CNTNAP2: variants seen among roughly 807,000 people sequenced by gnomAD.
The protein encoded by CNTNAP2 is contactin-associated protein-like 2.
CNTNAP2 carries 98 observed loss-of-function variants against 155.2 expected under a neutral mutation model. That is an observed-to-expected ratio of 0.63 (90% CI 0.54 to 0.75). The LOEUF (loss-of-function observed/expected upper bound fraction) is 0.75. Ranked by LOEUF, CNTNAP2 falls within the 30% of genes least tolerant of loss-of-function variation. CNTNAP2 has a pLI of 0.00. For missense variants in CNTNAP2, 1,727 were observed against 1,688.1 expected (o/e 1.02, Z -0.40); for synonymous variants, 651 against 631.2 (o/e 1.03, Z -0.47).
chr7:146,902,730 G>A (rs1796028028), intron 3 of CNTNAP2, among the ~76,000 whole-genome samples: 1 of 152,156 alleles, frequency 6.6e-6, no homozygotes, highest in Admixed American at 6.5e-5. Context: ...TCTTGTAAAT[G>A]TTCCGTCTCA....
At chr7:148,018,013 G>A (rs933168053) in intron 15 of CNTNAP2, among the ~76,000 whole-genome samples, 1 of 152,154 alleles carries the variant, frequency 6.6e-6, no homozygotes, top group Non-Finnish European at 1.5e-5. Context: ...GTTAAAACTC[G>A]CCACAAAGGC....
At chr7:146,740,309 T>A (rs1444835852) in intron 1 of CNTNAP2, among the ~76,000 whole-genome samples, 2 of 151,830 alleles carry the variant, frequency 1.3e-5, no homozygotes, top group East Asian at 1.9e-4. Context: ...TTTAATTTAA[T>A]CCCTCTAATG....
intron 18 of CNTNAP2, among the ~76,000 whole-genome samples, chr7:148,207,737 T>G (rs977616828): frequency 4.6e-5 from 7 of 152,106 alleles, no homozygotes; most frequent in Non-Finnish European, 1.0e-4. Flanking sequence ...GACTAGGATG[T>G]AAGGCGGGTC....
In CNTNAP2 at chr7:147,562,178, A is replaced by G. The variant is rs773810257; in HGVS notation, c.1818A>G (p.Gly606=). The G allele has an allele frequency of 1.2e-6, 2 of 1,614,038 alleles. No individual in the cohort carries two copies. The highest frequency in any genetic ancestry group is 8.5e-7 in the Non-Finnish European group (1 of 1,179,920). The part of the protein sequence containing the change: ...EPSCEAYKHL[G]QTSNYYWIDP... ...CCTGTGAAGCCTACAAACACCTAGG[A>G]CAGACATCAAATTATTACTGGATAG... The change falls in exon 12 of 24, where the codon GGA becomes GGG. Residue 606 remains glycine (G), a synonymous_variant. Coordinates refer to ENST00000361727, the MANE Select transcript of CNTNAP2 (RefSeq NM_014141.6).
chr7:147,375,561 C>T (rs1036004422), intron 9 of CNTNAP2, among the ~76,000 whole-genome samples: 3 of 151,980 alleles, frequency 2.0e-5, no homozygotes, highest in African/African-American at 7.2e-5. Flanking sequence ...GGGCCCCAGC[C>T]AATCTCCAAG....
At chr7:147,943,475 C>G (rs990173124) in intron 14 of CNTNAP2, among the ~76,000 whole-genome samples, 4 of 151,988 alleles carry the variant, frequency 2.6e-5, no homozygotes, top group African/African-American at 9.7e-5. Context: ...GTATAAAAAC[C>G]TCTAAATCTG....
At chr7:146,129,221 C>A (rs959968647) in intron 1 of CNTNAP2, among the ~76,000 whole-genome samples, 3 of 152,004 alleles carry the variant, frequency 2.0e-5, no homozygotes, top group Non-Finnish European at 4.4e-5. Flanking sequence ...GTTGTTGGCA[C>A]AATTAGAATC....
chr7:147,625,059 C>T (rs1022674749), intron 12 of CNTNAP2, among the ~76,000 whole-genome samples: 1 of 151,942 alleles, frequency 6.6e-6, no homozygotes, highest in African/African-American at 2.4e-5. Context: ...AAAATCAAAA[C>T]AATTGAACTC....
In CNTNAP2 at chr7:147,262,529, G is replaced by C. The variant is rs557423572; in HGVS notation, c.1349-37612G>C. On this transcript the variant is annotated intron_variant, in intron 8 of 23. Transcript: ENST00000361727. ...AAAGGACGCAGGGAGGCCGGGCCTGGCGCGGTGGCTCACGCCTGTAATCTC... is the reference window on the plus strand; with the variant it reads ...AAAGGACGCAGGGAGGCCGGGCCTGCCGCGGTGGCTCACGCCTGTAATCTC... Among the ~76,000 whole-genome samples, 8 of 152,304 alleles carry C rather than the reference G, an allele frequency of 5.3e-5. No homozygotes were observed. In the South Asian group the frequency reaches 1.4e-3, roughly 28 times the overall value.
At chr7:147,572,304 A>G (rs1057190922) in intron 12 of CNTNAP2, among the ~76,000 whole-genome samples, 1 of 147,134 alleles carries the variant, frequency 6.8e-6, no homozygotes, top group Non-Finnish European at 1.5e-5. Context: ...CTTCAAATTA[A>G]AAAAAAAAAA....
chr7:148,259,179 TAAA>T (rs34229180), intron 20 of CNTNAP2, among the ~76,000 whole-genome samples: 9 of 24,026 alleles, frequency 3.7e-4, no homozygotes, highest in East Asian at 1.6e-3. Flanking sequence ...AACTCCGTCT[TAAA>T]AAAAAAAAAA....
At chr7:146,824,782 G>A (rs1481768176) in intron 2 of CNTNAP2, among the ~76,000 whole-genome samples, 1 of 151,798 alleles carries the variant, frequency 6.6e-6, no homozygotes, top group East Asian at 1.9e-4. Context: ...TAGTGATGTG[G>A]TGGTCATAAA....
At chr7:146,370,699 C>A (rs1795222261) in intron 1 of CNTNAP2, among the ~76,000 whole-genome samples, 1 of 151,916 alleles carries the variant, frequency 6.6e-6, no homozygotes, top group Non-Finnish European at 1.5e-5. Flanking sequence ...TATCAGCGTG[C>A]CTTGTTCCAA....
At chr7:147,262,781 G>A (rs1206334386) in intron 8 of CNTNAP2, among the ~76,000 whole-genome samples, 1 of 152,172 alleles carries the variant, frequency 6.6e-6, no homozygotes, top group Non-Finnish European at 1.5e-5. Flanking sequence ...ACTCCAGCCT[G>A]GGCGACAGAC....
intron 1 of CNTNAP2, among the ~76,000 whole-genome samples, chr7:146,327,032 C>A (rs559062026): frequency 6.6e-6 from 1 of 152,186 alleles, no homozygotes; most frequent in African/African-American, 2.4e-5. Context: ...CATGGTGCCA[C>A]TTATTTTATA....
At chr7:146,447,541 A>G (rs1019641418) in intron 1 of CNTNAP2, among the ~76,000 whole-genome samples, 2 of 152,142 alleles carry the variant, frequency 1.3e-5, no homozygotes, top group Middle Eastern at 6.8e-3. Context: ...GACAAAGACA[A>G]TATTATTTTC....
At chr7:147,582,126 A>G (rs1416517525) in intron 12 of CNTNAP2, among the ~76,000 whole-genome samples, 1 of 152,192 alleles carries the variant, frequency 6.6e-6, no homozygotes, top group African/African-American at 2.4e-5. Flanking sequence ...TGTAATTGAC[A>G]GCCAACTCTA....
intron 15 of CNTNAP2, among the ~76,000 whole-genome samples, chr7:147,999,318 C>T (rs574810619): frequency 7.9e-5 from 12 of 152,220 alleles, no homozygotes; most frequent in Admixed American, 2.0e-4. Context: ...TCAGGTGATC[C>T]GCCCACCTCG....
rs530548510 is a variant in CNTNAP2 at position 146,151,848 on chromosome 7, T to C, written c.97+34875T>C. ...ACATTATTACTTAGAATAGCTATCA[T>C]CAGAAAGACAAAAGATAATAAGTCT... is the stretch of plus-strand genomic sequence containing the variant. On this transcript the variant is annotated intron_variant, in intron 1 of 23. Transcript: ENST00000361727. Among the ~76,000 whole-genome samples the C allele has an allele frequency of 1.4e-3, 211 of 150,486 alleles. 2 individuals are homozygous for C. The highest frequency in any genetic ancestry group is 2.0e-3 in the Non-Finnish European group (133 of 67,610).
Sources: allele counts gnomAD v4.1 joint callset (sites outside exome capture counted in the v4.1 genomes callset), GRCh38; gene constraint gnomAD v4.1.1; transcripts MANE v1.5; gene names NCBI Gene and HGNC (gene_info 2026-07-23, HGNC 2026-07-21).